Variants in ZNF544 observed in about 807,000 individuals in gnomAD.
The protein encoded by ZNF544 is zinc finger protein 544, also known as zinc finger protein AF020591.
ZNF544 carries 10 observed loss-of-function variants against 13.5 expected under a neutral mutation model. The ratio of observed to expected loss-of-function variants is 0.74; its 90% CI spans 0.46 to 1.25. ZNF544 has a LOEUF of 1.25. ZNF544 is among the 50% of genes most tolerant of loss of function. The pLI, the probability that ZNF544 is intolerant of heterozygous loss-of-function variation, is 0.00. For missense variants in ZNF544, 896 were observed against 845.6 expected (o/e 1.06, Z -0.74); for synonymous variants, 323 against 300.5 (o/e 1.07, Z -0.77).
intron 6 of ZNF544, chr19:58,258,029 C>G (rs1297895404): frequency 6.6e-6 from 1 of 152,340 alleles, no homozygotes; most frequent in Admixed American, 6.5e-5. Flanking sequence ...CCATGCCCTG[C>G]ACACCATACC....
intron 3 of ZNF544, among the ~76,000 whole-genome samples, chr19:58,237,966 C>T (rs536504671): frequency 2.6e-5 from 4 of 152,270 alleles, no homozygotes; most frequent in African/African-American, 9.6e-5. Flanking sequence ...TAAAACTTCT[C>T]TTGTTGCTCA....
intron 6 of ZNF544, among the ~76,000 whole-genome samples, chr19:58,255,059 T>C (rs1408610950): frequency 1.3e-5 from 2 of 150,964 alleles, no homozygotes; most frequent in Non-Finnish European, 1.5e-5. Flanking sequence ...GGCTAATTTT[T>C]TGTACTTTTT....
chr19:58,272,297 C>T (rs1568515905), intron 5 of ZNF544, among the ~76,000 whole-genome samples: 1 of 152,208 alleles, frequency 6.6e-6, no homozygotes, highest in African/African-American at 2.4e-5. Context: ...GGTGTGGTGG[C>T]TTACACCTGT....
intron 6 of ZNF544, among the ~76,000 whole-genome samples, chr19:58,253,504 T>C (rs1044606533): frequency 5.3e-5 from 8 of 152,238 alleles, no homozygotes; most frequent in Non-Finnish European, 1.0e-4. Flanking sequence ...AGAGGCACAA[T>C]CTCAGCTCAC....
At chr19:58,239,574 G>C (rs757018471) in intron 3 of ZNF544, among the ~76,000 whole-genome samples, 1 of 152,168 alleles carries the variant, frequency 6.6e-6, no homozygotes, top group Non-Finnish European at 1.5e-5. Context: ...TATATTCACA[G>C]TTACAGTTTA....
At chr19:58,260,443 AT>A (rs571716826) in intron 6 of ZNF544, 17 of 151,314 alleles carry the variant, frequency 1.1e-4, no homozygotes, top group South Asian at 2.1e-4. Flanking sequence ...CACCTGGCTA[AT>A]TTTTTTTTTA....
intron 6 of ZNF544, chr19:58,258,960 A>C (rs955727790): frequency 6.6e-6 from 1 of 152,182 alleles, no homozygotes; most frequent in African/African-American, 2.4e-5. Flanking sequence ...AACAGAGAGG[A>C]ATCCCCACCA....
chr19:58,269,564 T>A (rs1568513993), intron 5 of ZNF544, among the ~76,000 whole-genome samples: 1 of 145,224 alleles, frequency 6.9e-6, no homozygotes, highest in Non-Finnish European at 1.5e-5. Context: ...TGAGCTAAGA[T>A]TGTGCCACTG....
intron 6 of ZNF544, among the ~76,000 whole-genome samples, chr19:58,260,102 C>CG (rs1568495205): frequency 6.6e-6 from 1 of 152,082 alleles, no homozygotes; most frequent in African/African-American, 2.4e-5. Flanking sequence ...CTGTAGAAAA[C>CG]TAAGTAAATA....
chr19:58,251,500 G>C, intron 6 of ZNF544: 1 of 410,294 alleles, frequency 2.4e-6, no homozygotes, highest in Non-Finnish European at 5.0e-6. Flanking sequence ...TTATTGAGCA[G>C]GTGATCCCTC....
chr19:58,276,870 A>G (rs547045), intron 6 of ZNF544, among the ~76,000 whole-genome samples: 50,832 of 152,086 alleles, frequency 0.33, 9,126 homozygotes, highest in East Asian at 0.53. Flanking sequence ...ACGGAATGAG[A>G]GCTCCCACGG....
intron 3 of ZNF544, among the ~76,000 whole-genome samples, chr19:58,236,008 C>T (rs1448902878): frequency 2.0e-5 from 3 of 150,912 alleles, no homozygotes; most frequent in African/African-American, 7.3e-5. Context: ...TGCAGTGAGC[C>T]GAGATCATGC....
intron 5 of ZNF544, among the ~76,000 whole-genome samples, chr19:58,272,639 CAAG>C (rs2050767189): frequency 6.6e-6 from 1 of 151,884 alleles, no homozygotes; most frequent in Admixed American, 6.6e-5. Flanking sequence ...GAATTCTTAT[CAAG>C]AAGAAGTTGA....
At chr19:58,273,252 A>G (rs1190545212) in intron 5 of ZNF544, among the ~76,000 whole-genome samples, 1 of 152,186 alleles carries the variant, frequency 6.6e-6, no homozygotes, top group East Asian at 1.9e-4. Flanking sequence ...AGCACAACAA[A>G]ATTACAAATT....
At chr19:58,253,060 C>T (rs976224562) in intron 6 of ZNF544, among the ~76,000 whole-genome samples, 5 of 152,236 alleles carry the variant, frequency 3.3e-5, no homozygotes, top group African/African-American at 4.8e-5. Flanking sequence ...CCTTGTGATC[C>T]ACCCACCTTG....
Position 58,261,167 on chromosome 19 carries a change from C to T in ZNF544, c.561C>T (p.Pro187=), listed in dbSNP as rs1235992249. 7 of 1,614,118 alleles carry T rather than the reference C, an allele frequency of 4.3e-6. No individual in the cohort carries two copies. The Middle Eastern group carries it at 6.6e-4, about 152-fold the overall frequency. The change falls in exon 7 of 7, where the codon CCC becomes CCT. Residue 187 remains proline (P), a synonymous_variant. Coordinates refer to ENST00000687789, the MANE Select transcript of ZNF544 (RefSeq NM_014480.4). ...CTACAAGTACAGGTTTCCCTAAGCC[C>T]AACTCACAAGTTAAAGAGTTGAAAC... ...TLPTSTGFPK[P]NSQVKELKQN...
chr19:58,239,205 T>C (rs1212847309), intron 3 of ZNF544, among the ~76,000 whole-genome samples: 1 of 152,182 alleles, frequency 6.6e-6, no homozygotes, highest in Non-Finnish European at 1.5e-5. Flanking sequence ...TAAAGCCATT[T>C]CTCAGCTCAG....
intron 3 of ZNF544, among the ~76,000 whole-genome samples, chr19:58,238,480 C>T (rs2042891943): frequency 6.6e-6 from 1 of 152,156 alleles, no homozygotes; most frequent in Non-Finnish European, 1.5e-5. Flanking sequence ...TGCATAGTGC[C>T]TGGAAGACGG....
intron 6 of ZNF544, among the ~76,000 whole-genome samples, chr19:58,252,972 G>A (rs1015704848): frequency 2.2e-4 from 33 of 151,930 alleles, no homozygotes; most frequent in Non-Finnish European, 4.4e-5. Flanking sequence ...GGCACGTGCC[G>A]CCACACCCAG....
Sources: gnomAD v4.1 joint callset for allele counts (sites outside exome capture counted in the v4.1 genomes callset) on GRCh38, gnomAD v4.1.1 for gene constraint, MANE v1.5 for transcripts, NCBI Gene and HGNC (gene_info 2026-07-23, HGNC 2026-07-21) for gene names.